Variants in DHX37 observed in about 807,000 individuals in gnomAD.
DHX37 encodes the protein probable ATP-dependent RNA helicase DHX37.
DHX37 carries 52 observed loss-of-function variants against 134.3 expected under a neutral mutation model. That is an observed-to-expected ratio of 0.39 (90% confidence interval 0.31 to 0.49). The LOEUF is 0.49. Ranked by LOEUF, DHX37 falls within the 20% of genes least tolerant of loss-of-function variation. DHX37 has a pLI of 0.93. For missense variants in DHX37, 1,344 were observed against 1,580.8 expected, an observed-to-expected ratio of 0.85 and a Z score of 2.54; for synonymous variants, 634 against 670.7, an observed-to-expected ratio of 0.95 and a Z score of 0.85.
At chr12:124,975,022 C>T (rs937240476) in intron 6 of DHX37, among the ~76,000 whole-genome samples, 4 of 152,034 alleles carry the variant, frequency 2.6e-5, no homozygotes, top group Admixed American at 6.6e-5. Context: ...GTGATCTGCC[C>T]GCCTTGGCCT....
chr12:124,989,001 AGCGCCGGCG>A lies in DHX37; in HGVS notation c.13_21del (p.Arg5_Arg7del). The A allele has an allele frequency of 7.3e-7, 1 of 1,370,150 alleles. No individual in the cohort carries two copies. Among genetic ancestry groups the A allele is most frequent in the Non-Finnish European group, 9.5e-7 (1 of 1,054,166 alleles). The allele number at this position is 1,370,150 out of a possible 1,614,324, so 84.9% of individuals were successfully genotyped here. Reference sequence around the variant, plus strand: ...GCCTGCTGGCGCCCCTTGATGTTGTAGCGCCGGCGCAGCTTCCCCATGGCGACTAGGCCA... The same window carrying A: ...GCCTGCTGGCGCCCCTTGATGTTGTACAGCTTCCCCATGGCGACTAGGCCA... On this transcript the variant is annotated inframe_deletion, in exon 1 of 27. Coordinates refer to ENST00000308736, the MANE Select transcript of DHX37 (RefSeq NM_032656.4).
intron 16 of DHX37, among the ~76,000 whole-genome samples, chr12:124,957,447 G>A (rs1307947098): frequency 2.0e-5 from 3 of 152,214 alleles, no homozygotes; most frequent in Non-Finnish European, 4.4e-5. Context: ...TGAGGACTGA[G>A]CGTCATTTGA....
At position 124,950,740 on chromosome 12, in the gene DHX37, T is replaced by C; in HGVS notation, c.2933A>G (p.Glu978Gly). 1 of 1,610,112 alleles carries C rather than the reference T, an allele frequency of 6.2e-7. No individual in the cohort carries two copies. The highest frequency in any genetic ancestry group is 8.5e-7 in the Non-Finnish European group (1 of 1,179,014). ...PSSVLFKELP[E>G]FVVYQEIVET... ...CACGATTTCCTGGTAGACCACAAACTCGGGGAGCTCTTTGAAAAGGACGGA... is the reference window on the plus strand; with the variant it reads ...CACGATTTCCTGGTAGACCACAAACCCGGGGAGCTCTTTGAAAAGGACGGA... The change falls in exon 22 of 27, where the codon GAG becomes GGG. Residue 978 changes from glutamate (E) to glycine (G), a missense_variant. Physicochemically the swap from Glu to Gly is moderately conservative, Grantham distance 98. Coordinates refer to ENST00000308736, the MANE Select transcript of DHX37 (RefSeq NM_032656.4).
In DHX37 at chr12:124,986,164, T is replaced by G; in HGVS notation, c.208A>C (p.Lys70Gln). The G allele has an allele frequency of 1.9e-6, 3 of 1,614,206 alleles. No homozygotes were observed. The highest frequency in any genetic ancestry group is 2.5e-6 in the Non-Finnish European group (3 of 1,180,034). The change falls in exon 2 of 27, where the codon AAG becomes CAG. Residue 70 changes from lysine to glutamine, a missense_variant. Coordinates refer to ENST00000308736, the MANE Select transcript of DHX37 (RefSeq NM_032656.4). ...TTCTTCTCCTTCTTGGTCAGAGGCT[T>G]CTTCTCCTTCTTCGACAGGGGAGGG... Reference protein sequence around the residue: ...KAPPLSKKEKKPLTKKEKKVL... With the variant: ...KAPPLSKKEKQPLTKKEKKVL...
intron 1 of DHX37, among the ~76,000 whole-genome samples, chr12:124,986,568 A>G (rs1209072509): frequency 6.6e-6 from 1 of 151,650 alleles, no homozygotes; most frequent in East Asian, 2.0e-4. Flanking sequence ...AAAATTAGCC[A>G]GGTGTGGTGG....
Position 124,980,764 on chromosome 12 carries a change from C to A in DHX37, c.464G>T (p.Arg155Leu). The A allele has an allele frequency of 6.4e-7, 1 of 1,556,918 alleles. No individual in the cohort carries two copies. Among genetic ancestry groups the A allele is most frequent in the Non-Finnish European group, 8.7e-7 (1 of 1,153,030 alleles). ...CTCCTCCTCCTCAGCTGAGGGCCAGCGGCGACGCTTCCGGTGGGCACCGCT... is the reference window on the plus strand; with the variant it reads ...CTCCTCCTCCTCAGCTGAGGGCCAGAGGCGACGCTTCCGGTGGGCACCGCT... ...SLSGAHRKRR[R>L]WPSAEEEEEE... Residue 155 changes from arginine to leucine, a missense_variant, in exon 4 of 27, where the codon CGC becomes CTC. Arg to Leu is a moderately radical substitution (Grantham distance 102). This residue lies in a region of DHX37 where 319 missense variants were observed against 296.1 expected (regional missense o/e 1.08). Transcript: ENST00000308736. The surrounding 1 kb of genome is among the most constrained non-coding windows in gnomAD (Gnocchi z 5.3).
At chr12:124,961,969 G>A (rs896583780) in intron 15 of DHX37, among the ~76,000 whole-genome samples, 1 of 150,290 alleles carries the variant, frequency 6.7e-6, no homozygotes, top group African/African-American at 2.5e-5. Context: ...GTGGGGGTGG[G>A]TGAGGTAAGG....
intron 23 of DHX37, 55 bp from the exon 24 acceptor site, chr12:124,950,298 C>G: frequency 6.2e-7 from 1 of 1,608,386 alleles, no homozygotes; most frequent in Non-Finnish European, 8.5e-7. Flanking sequence ...CCTCCCGAGT[C>G]CCATCCCTGC....
Position 124,968,730 on chromosome 12 carries a change from C to A in DHX37, c.1294-82G>T, listed in dbSNP as rs924327702. ...GCTGCCTTCCCTTTCCCCATTATTCCGAATCAAGGTTTCTAACACCCCCTC... is the reference window on the plus strand; with the variant it reads ...GCTGCCTTCCCTTTCCCCATTATTCAGAATCAAGGTTTCTAACACCCCCTC... On this transcript the variant is annotated intron_variant, in intron 9 of 26. Coordinates refer to ENST00000308736, the MANE Select transcript of DHX37 (RefSeq NM_032656.4). The A allele has an allele frequency of 3.7e-6, 6 of 1,607,222 alleles. No homozygotes were observed. The African/African-American group carries it at 8.0e-5, about 21-fold the overall frequency.
rs765550078 is a variant in DHX37, at chr12:124,968,952, T to C, written c.1208A>G (p.Lys403Arg). The change falls in exon 9 of 27, where the codon AAG (lysine) becomes AGG (arginine). Residue 403 changes from lysine (K) to arginine (R), a missense_variant. Lys to Arg is a conservative substitution (Grantham distance 26). Transcript: ENST00000308736. Reference protein sequence around the residue: ...TLRAKRNLPLKLLIMSATLRV... With the variant: ...TLRAKRNLPLRLLIMSATLRV... ...CAGCGTGGCCGACATGATGAGCAGCTTGAGTGGCAGGTTCCTCTGCAAAAG... is the reference window on the plus strand; with the variant it reads ...CAGCGTGGCCGACATGATGAGCAGCCTGAGTGGCAGGTTCCTCTGCAAAAG... 1.2e-6 allele frequency: 2 copies of C among 1,613,988 alleles called. No homozygotes were observed. Among genetic ancestry groups the C allele is most frequent in the Admixed American group, 1.7e-5 (1 of 60,002 alleles).
rs201803408 is a variant in DHX37 at position 124,956,645 on chromosome 12, G to A, written c.2453+46C>T. ...CTGGGACTCTCAGCCCAGAGCCCCC[G>A]TCGGAACTGAGCTTGGCCCTGAGTG... On this transcript the variant is annotated intron_variant, in intron 18 of 26. Coordinates refer to ENST00000308736, the MANE Select transcript of DHX37 (RefSeq NM_032656.4). The A allele has an allele frequency of 2.6e-4, 391 of 1,492,124 alleles. 2 individuals carry two copies. The African/African-American group carries it at 4.3e-3, about 17-fold the overall frequency. 92.4% of individuals were successfully genotyped at this position (1,492,124 alleles called of 1,614,324 possible).
chr12:124,974,317 G>C (rs1954585387), intron 6 of DHX37, among the ~76,000 whole-genome samples: 1 of 151,706 alleles, frequency 6.6e-6, no homozygotes. Flanking sequence ...GCTTTTCCTA[G>C]ACGCATGCCA....
chr12:124,947,509 G>C lies in DHX37; in HGVS notation c.*293C>G. The stretch of plus-strand genomic sequence containing the variant: ...TCTCCAGCCCTGCTGCTCCACAGGG[G>C]ACTAATGTAGTCCAAAGAGCACACT... On this transcript the variant is annotated 3_prime_UTR_variant, in exon 27 of 27. Coordinates refer to ENST00000308736, the MANE Select transcript of DHX37 (RefSeq NM_032656.4). 3.0e-6 allele frequency: 1 copy of C among 331,842 alleles called. No homozygotes were observed. The highest frequency in any genetic ancestry group is 5.5e-6 in the Non-Finnish European group (1 of 182,068). The allele number at this position is 331,842 out of a possible 1,614,324, so 20.6% of individuals were successfully genotyped here. A position where few individuals can be genotyped will look rare whatever the true frequency, so the allele number is the denominator to read the frequency against.
intron 15 of DHX37, among the ~76,000 whole-genome samples, chr12:124,963,327 G>C (rs911582912): frequency 2.6e-5 from 4 of 152,178 alleles, no homozygotes; most frequent in Non-Finnish European, 4.4e-5. Context: ...ACAAAAACTA[G>C]TGGACTGATG....
rs373907134 is a variant in DHX37 at position 124,980,525 on chromosome 12, C to T, written c.703G>A (p.Val235Ile). ...PLPRALAKPA[V>I]FIPVNRSPEM... ...GGGGAGCGGTTCACGGGGATGAAGA[C>T]GGCGGGCTTAGCCAGGGCCCTGGGC... The change falls in exon 4 of 27, where the codon GTC becomes ATC. Residue 235 changes from valine to isoleucine, a missense_variant. Physicochemically the swap from Val to Ile is conservative, Grantham distance 29. This residue lies in a region of DHX37 where 77 missense variants were observed against 121.6 expected (regional missense o/e 0.63). Transcript: ENST00000308736. The surrounding 1 kb of genome is among the most constrained non-coding windows in gnomAD (Gnocchi z 5.3). The T allele has an allele frequency of 3.8e-5, 62 of 1,611,816 alleles. 1 individual carries two copies. The highest frequency in any genetic ancestry group is 2.2e-4 in the South Asian group (20 of 90,960).
intron 2 of DHX37, 63 bp downstream of exon 2, chr12:124,986,033 G>T: frequency 6.3e-7 from 1 of 1,588,492 alleles, no homozygotes; most frequent in South Asian, 1.1e-5. Flanking sequence ...CAGGAGGAGA[G>T]AGACCCCCCA....
Position 124,975,491 on chromosome 12 carries a change from A to G in DHX37, c.908T>C (p.Val303Ala). Residue 303 changes from valine to alanine, a missense_variant, in exon 6 of 27, where the codon GTC becomes GCC. This residue lies in a region of DHX37 where 77 missense variants were observed against 121.6 expected (regional missense o/e 0.63). Coordinates refer to ENST00000308736, the MANE Select transcript of DHX37 (RefSeq NM_032656.4). ...GGCGGCCACTCGGCGGGGCTCCGTG[A>G]CACCGATGATGCTGTCTTCACTGGG... ...GFSSEDSIIG[V>A]TEPRRVAAVA... 3 of 1,612,618 alleles carry G rather than the reference A, an allele frequency of 1.9e-6. No individual in the cohort carries two copies. The highest frequency in any genetic ancestry group is 2.5e-6 in the Non-Finnish European group (3 of 1,180,006).
In DHX37 at chr12:124,947,836, A is replaced by G. The variant is rs148973591; in HGVS notation, c.3440T>C (p.Ile1147Thr). 3,514 of 1,603,458 alleles carry G rather than the reference A, an allele frequency of 2.2e-3. 13 individuals carry two copies. Among genetic ancestry groups the G allele is most frequent in the Non-Finnish European group, 2.6e-3 (3,105 of 1,174,196 alleles). ...AGTGGTGGGGGGCCAGGCTTTCTCG[A>G]TATCGGGGTGCATGGCCTGTGGAAG... ...EWLPQAMHPD[I>T]EKAWPPTTVH The change falls in exon 27 of 27, where the codon ATC (isoleucine) becomes ACC (threonine). Residue 1147 changes from isoleucine (I) to threonine (T), a missense_variant. This residue lies in a region of DHX37 where 558 missense variants were observed against 650.0 expected (regional missense o/e 0.86). Transcript: ENST00000308736.
At chr12:124,979,995 C>G (rs557738515) in intron 4 of DHX37, among the ~76,000 whole-genome samples, 1 of 152,368 alleles carries the variant, frequency 6.6e-6, no homozygotes, top group South Asian at 2.1e-4. Context: ...GCTTTCCATG[C>G]CCCAAATCCT....
Sources: allele counts gnomAD v4.1 joint callset (sites outside exome capture counted in the v4.1 genomes callset), GRCh38; gene constraint gnomAD v4.1.1; regional missense constraint gnomAD v4.1.1; non-coding constraint Gnocchi (gnomAD v3.1); transcripts MANE v1.5; gene names NCBI Gene and HGNC (gene_info 2026-07-23, HGNC 2026-07-21).